Variants in CRACD observed in about 807,000 individuals in gnomAD.
CRACD encodes capping protein inhibiting regulator of actin dynamics.
A neutral mutation model predicts 106.8 loss-of-function variants in CRACD; 56 were observed. That is an observed-to-expected ratio of 0.52 (90% CI 0.42 to 0.66). The LOEUF (loss-of-function observed/expected upper bound fraction) is 0.66, where lower values mean the gene tolerates loss of function less well. Among genes scored for constraint, CRACD ranks in the 30% least tolerant of loss-of-function variants. The pLI, the probability that CRACD is intolerant of heterozygous loss-of-function variation, is 0.00. For synonymous variants in CRACD, 754 were observed against 670.8 expected (o/e 1.12, Z -1.92); for missense variants, 1,730 against 1,623.2 (o/e 1.07, Z -1.13).
intron 2 of CRACD, among the ~76,000 whole-genome samples, chr4:56,180,397 G>A (rs1392614815): frequency 6.6e-6 from 1 of 151,974 alleles, no homozygotes; most frequent in African/African-American, 2.4e-5. Flanking sequence ...GCTGAGGCAG[G>A]AGAATCGCCT....
Position 56,238,131 on chromosome 4 carries a change from T to C in CRACD, c.-188-34190T>C, listed in dbSNP as rs540588364. On this transcript the variant is annotated intron_variant, in intron 2 of 10. Coordinates refer to ENST00000682029, the MANE Select transcript of CRACD (RefSeq NM_001393381.1). ...ACAACAACCACATTTAATTTACTCATGAATCTGTAGTCCAGATAGGGCTCA... is the reference window on the plus strand; with the variant it reads ...ACAACAACCACATTTAATTTACTCACGAATCTGTAGTCCAGATAGGGCTCA... Among the ~76,000 whole-genome samples, 17 of 152,316 alleles carry C rather than the reference T, an allele frequency of 1.1e-4. No homozygotes were observed. The East Asian group carries it at 3.3e-3, about 29-fold the overall frequency.
At chr4:56,280,583 C>T (rs687049) in intron 3 of CRACD, among the ~76,000 whole-genome samples, 68,733 of 152,072 alleles carry the variant, frequency 0.45, 16,620 homozygotes, top group African/African-American at 0.63. Context: ...GTATTTCCCG[C>T]CTCTAACGCT....
chr4:56,083,284 C>T (rs537359124), intron 1 of CRACD, among the ~76,000 whole-genome samples: 2 of 152,222 alleles, frequency 1.3e-5, no homozygotes, highest in African/African-American at 2.4e-5. Flanking sequence ...ATGGTTTTTA[C>T]AATTTATTAG....
chr4:56,057,809 T>TG lies in CRACD; in HGVS notation c.-336+8510_-336+8511insG, dbSNP rs1224542790. Among the ~76,000 whole-genome samples, 230 of 60,580 alleles carry TG rather than the reference T, an allele frequency of 3.8e-3. 20 individuals are homozygous for TG. The highest frequency in any genetic ancestry group is 0.029 in the Admixed American group (204 of 7,130). 39.7% of individuals were successfully genotyped at this position (60,580 alleles called of 152,430 possible). On this transcript the variant is annotated intron_variant, in intron 1 of 10. Transcript: ENST00000682029. Reference sequence around the variant, plus strand: ...TGGCTCATTTTTTGTATTTTTTTTTTTTTTGTTTTTTTTTTTTTTTTTTTT... The same window carrying TG: ...TGGCTCATTTTTTGTATTTTTTTTTTGTTTTGTTTTTTTTTTTTTTTTTTTT...
intron 1 of CRACD, among the ~76,000 whole-genome samples, chr4:56,090,945 C>T (rs1733406381): frequency 6.6e-6 from 1 of 152,200 alleles, no homozygotes; most frequent in Admixed American, 6.5e-5. Flanking sequence ...TGAGATCCAA[C>T]TGGGTTCCTC....
At chr4:56,321,368 T>A (rs1026638502) in intron 8 of CRACD, 9 of 153,262 alleles carry the variant, frequency 5.9e-5, no homozygotes, top group African/African-American at 2.2e-4. Flanking sequence ...GATTTCTTTT[T>A]TCAAATTAGT....
chr4:56,057,092 T>C (rs1732100657), intron 1 of CRACD, among the ~76,000 whole-genome samples: 1 of 152,214 alleles, frequency 6.6e-6, no homozygotes, highest in Admixed American at 6.5e-5. Flanking sequence ...TTAAAATGTA[T>C]CTACTAAGAA....
rs1285208635 is a variant in CRACD, at chr4:56,313,244, T to C, written c.402T>C (p.Ala134=). ...GGCCAAAAAGGCACTTCTCTTCTGC[T>C]GGCACCATCGAAAGTGTCAACTTAG... ...PSRPKRHFSS[A]GTIESVNLDA... is the part of the protein sequence containing the mutation. The change falls in exon 7 of 11, where the codon GCT becomes GCC. Residue 134 remains alanine, a synonymous_variant. Coordinates refer to ENST00000682029, the MANE Select transcript of CRACD (RefSeq NM_001393381.1). 2 of 1,614,092 alleles carry C rather than the reference T, an allele frequency of 1.2e-6. No individual in the cohort carries two copies. The highest frequency in any genetic ancestry group is 2.7e-5 in the African/African-American group (2 of 74,930).
At chr4:56,117,017 ATTTTTTTTT>A (rs751420774) in intron 1 of CRACD, among the ~76,000 whole-genome samples, 2 of 96,256 alleles carry the variant, frequency 2.1e-5, no homozygotes, top group Non-Finnish European at 4.5e-5. Context: ...CGAATTTTTA[ATTTTTTTTT>A]TTTTTTTTTT....
chr4:56,288,516 T>A (rs1228584038), intron 3 of CRACD: 1 of 156,830 alleles, frequency 6.4e-6, no homozygotes, highest in Non-Finnish European at 1.4e-5. Flanking sequence ...TAATTGCATG[T>A]CATCCTCGCA....
At chr4:56,074,574 A>C (rs1229045467) in intron 1 of CRACD, among the ~76,000 whole-genome samples, 3 of 152,224 alleles carry the variant, frequency 2.0e-5, no homozygotes, top group Middle Eastern at 3.2e-3. Flanking sequence ...TATGAGCTTA[A>C]GGAGTTTTGG....
At chr4:56,055,407 G>T (rs1283968845) in intron 1 of CRACD, among the ~76,000 whole-genome samples, 1 of 151,530 alleles carries the variant, frequency 6.6e-6, no homozygotes, top group Admixed American at 6.6e-5. Context: ...AAATAAAAAG[G>T]AGAGGCCATA....
chr4:56,194,439 A>G (rs1737513302), intron 2 of CRACD, among the ~76,000 whole-genome samples: 1 of 152,246 alleles, frequency 6.6e-6, no homozygotes, highest in Non-Finnish European at 1.5e-5. Context: ...GTTATTGCTT[A>G]TGTTTCAGAG....
intron 1 of CRACD, among the ~76,000 whole-genome samples, chr4:56,148,809 A>ATT (rs201226509): frequency 5.2e-4 from 74 of 142,768 alleles, no homozygotes; most frequent in African/African-American, 1.8e-3. Context: ...TTATCCTTAG[A>ATT]TTTTTTTTTT....
chr4:56,218,543 C>A (rs1003158272), intron 2 of CRACD, among the ~76,000 whole-genome samples: 1 of 137,600 alleles, frequency 7.3e-6, no homozygotes, highest in Non-Finnish European at 1.6e-5. Context: ...CCCTTCTCCC[C>A]GCTTCCCTTG....
At chr4:56,198,228 T>C (rs899765676) in intron 2 of CRACD, among the ~76,000 whole-genome samples, 2 of 152,188 alleles carry the variant, frequency 1.3e-5, no homozygotes, top group African/African-American at 4.8e-5. Flanking sequence ...ACATCCACCA[T>C]ACGTCTTAAG....
At chr4:56,119,998 G>A (rs543805257) in intron 1 of CRACD, among the ~76,000 whole-genome samples, 9 of 152,082 alleles carry the variant, frequency 5.9e-5, no homozygotes, top group South Asian at 4.1e-4. Flanking sequence ...ACCCCTTGTC[G>A]TTTATCTAAA....
chr4:56,244,688 A>T (rs144870500), intron 2 of CRACD, among the ~76,000 whole-genome samples: 3 of 152,130 alleles, frequency 2.0e-5, no homozygotes, highest in African/African-American at 7.2e-5. Context: ...ATACCCCCAT[A>T]CCACCCTACA....
Position 56,328,463 on chromosome 4 carries a change from C to T in CRACD, c.*659C>T, listed in dbSNP as rs1746612948. On this transcript the variant is annotated 3_prime_UTR_variant, in exon 11 of 11. Transcript: ENST00000682029. ...TTCATAGTGTGGGGCCCTGTTATTC[C>T]AATACCCTCCTTAAGGACATGTGAA... is the stretch of plus-strand genomic sequence containing the variant. 1 of 510,406 alleles carries T rather than the reference C, an allele frequency of 2.0e-6. No homozygotes were observed. The allele number at this position is 510,406 out of a possible 1,614,324, so 31.6% of individuals were successfully genotyped here. A position where few individuals can be genotyped will look rare whatever the true frequency, so the allele number is the denominator to read the frequency against.
Sources: gnomAD v4.1 joint callset for allele counts (sites outside exome capture counted in the v4.1 genomes callset) on GRCh38, gnomAD v4.1.1 for gene constraint, MANE v1.5 for transcripts, NCBI Gene and HGNC (gene_info 2026-07-23, HGNC 2026-07-21) for gene names.